The following FAM199X variants were observed in gnomAD, a reference collection of about 807,000 sequenced individuals.
The protein encoded by FAM199X is protein FAM199X.
In FAM199X, 4 loss-of-function variants were observed where a neutral mutation model predicts 22.9. The ratio of observed to expected loss-of-function variants is 0.17; its 90% CI spans 0.09 to 0.40. The LOEUF is 0.40. FAM199X is among the 10% of genes least tolerant of loss of function. The pLI is 1.00. For synonymous variants in FAM199X, 101 were observed against 112.3 expected (o/e 0.90, Z 0.64); for missense variants, 183 against 306.8 (o/e 0.60, Z 3.01).
At chrX:104,164,066 A>G (rs1556373178), upstream of FAM199X, among the ~76,000 whole-genome samples, 1 of 112,671 alleles carries the variant, frequency 8.9e-6, no homozygotes, top group Non-Finnish European at 1.9e-5. Flanking sequence ...ATTAAATTCT[A>G]CATGTTCATA....
chrX:104,179,044 C>G (rs967983519), intron 2 of FAM199X, among the ~76,000 whole-genome samples: 1 of 111,780 alleles, frequency 8.9e-6, no homozygotes, highest in East Asian at 2.8e-4. Context: ...GTTGGAAGAT[C>G]GCTTGAGCCC....
chrX:104,182,315 A>G (rs191412435), intron 2 of FAM199X, among the ~76,000 whole-genome samples: 229 of 110,072 alleles, frequency 2.1e-3, no homozygotes, highest in Non-Finnish European at 3.8e-3. Context: ...TATTTTTCCT[A>G]TCTATTCCCA....
rs1556375630 is a variant in FAM199X, at chrX:104,172,724, A to ATGTG, written c.198-2898_198-2897insGTGT. Among the ~76,000 whole-genome samples, 18 of 108,185 alleles carry ATGTG rather than the reference A, an allele frequency of 1.7e-4. No individual in the cohort carries two copies. The Admixed American group carries it at 1.8e-3, about 11-fold the overall frequency. The allele number at this position is 108,185 out of a possible 115,157, so 93.9% of individuals were successfully genotyped here. On this transcript the variant is annotated intron_variant, in intron 1 of 5. Transcript: ENST00000493442. ...TTTTTTTTTTTTAAGGAATGTCACT[A>ATGTG]TTACTCATGGAGAGAAACACATTTC...
chrX:104,170,632 G>C (rs1324706755), intron 1 of FAM199X, among the ~76,000 whole-genome samples: 3 of 111,277 alleles, frequency 2.7e-5, no homozygotes, highest in Non-Finnish European at 5.7e-5. Context: ...AGAGATGTTA[G>C]CTCCTTAGAA....
chrX:104,188,098 A>G lies in FAM199X; in HGVS notation c.788A>G (p.Lys263Arg). Residue 263 changes from lysine to arginine, a missense_variant, in exon 5 of 6, where the codon AAG (lysine) becomes AGG (arginine). Lys to Arg is a conservative substitution (Grantham distance 26). This residue lies in a region of FAM199X where 128 missense variants were observed against 246.2 expected (regional missense o/e 0.52). Transcript: ENST00000493442. ...CAACGGCCTGCAAGAGAGGCCTGGA[A>G]GAGAAGCAACTTTAGTTGTGCAAGC... ...PRQRPAREAW[K>R]RSNFSCASTS... 8.3e-7 allele frequency: 1 copy of G among 1,211,973 alleles called. No homozygotes were observed. The highest frequency in any genetic ancestry group is 1.1e-6 in the Non-Finnish European group (1 of 895,597).
intron 4 of FAM199X, 29 bp from the exon 5 acceptor site, chrX:104,188,011 C>T (rs782363704): frequency 8.3e-7 from 1 of 1,203,061 alleles, no homozygotes; most frequent in Admixed American, 2.2e-5. Context: ...AGGTGCAACA[C>T]TAACCAGTTT....
In FAM199X at chrX:104,174,621, TTAAA is replaced by T. The variant is rs782074920; in HGVS notation, c.198-996_198-993del. On this transcript the variant is annotated intron_variant, in intron 1 of 5. Coordinates refer to ENST00000493442, the MANE Select transcript of FAM199X (RefSeq NM_207318.4). ...GCTTATGTATCATTGGGGAATAAAG[TTAAA>T]TAAATTATGATACATTTAGCCAATG... 6.4e-3 allele frequency among the ~76,000 whole-genome samples: 717 copies of T among 111,798 alleles called. 2 individuals carry two copies. Among genetic ancestry groups the T allele is most frequent in the Non-Finnish European group, 0.01 (555 of 53,140 alleles).
rs1556374000 is a variant in FAM199X at position 104,166,766 on chromosome X, G to A, written c.-20G>A. ...CAGCCCAGGGCCAGAGAGGGAGCCC[G>A]AGCCAGGCCATCTCCAACCATGTCC... On this transcript the variant is annotated 5_prime_UTR_variant, in exon 1 of 6. Coordinates refer to ENST00000493442, the MANE Select transcript of FAM199X (RefSeq NM_207318.4). The A allele has an allele frequency of 8.4e-7, 1 of 1,191,785 alleles. No individual in the cohort carries two copies. Among genetic ancestry groups the A allele is most frequent in the Non-Finnish European group, 1.1e-6 (1 of 885,459 alleles).
At position 104,192,175 on chromosome X, in the gene FAM199X, T is replaced by C. The variant is rs1335785963; in HGVS notation, c.*2397T>C. Reference sequence around the variant, plus strand: ...AAGACATAAAAAGCTCTTTGGTGTCTGTTCATGTGCTGTACATTTTTTCCG... The same window carrying C: ...AAGACATAAAAAGCTCTTTGGTGTCCGTTCATGTGCTGTACATTTTTTCCG... On this transcript the variant is annotated 3_prime_UTR_variant, in exon 6 of 6. Coordinates refer to ENST00000493442, the MANE Select transcript of FAM199X (RefSeq NM_207318.4). 1 of 111,943 alleles carries C rather than the reference T, an allele frequency of 8.9e-6. No homozygotes were observed. Among genetic ancestry groups the C allele is most frequent in the Admixed American group, 9.5e-5 (1 of 10,534 alleles). 9.2% of individuals were successfully genotyped at this position (111,943 alleles called of 1,213,427 possible).
At chrX:104,160,386 TAAA>T in the FAM199X span, among the ~76,000 whole-genome samples, 13 of 112,959 alleles carry the variant, frequency 1.2e-4, no homozygotes, top group East Asian at 2.8e-4. Flanking sequence ...ATGTTTTTAT[TAAA>T]AAGAGTTATG....
chrX:104,169,158 T>C (rs1921290462), intron 1 of FAM199X, among the ~76,000 whole-genome samples: 1 of 111,990 alleles, frequency 8.9e-6, no homozygotes, highest in Admixed American at 9.5e-5. Context: ...CACAGCTAAA[T>C]CATATATCGG....
chrX:104,181,867 C>G (rs1382230117), intron 2 of FAM199X, among the ~76,000 whole-genome samples: 1 of 111,451 alleles, frequency 9.0e-6, no homozygotes, highest in Non-Finnish European at 1.9e-5. Flanking sequence ...GTGTATCACT[C>G]TGAGTGGGTT....
chrX:104,174,733 A>G (rs912371361), intron 1 of FAM199X, among the ~76,000 whole-genome samples: 1 of 111,933 alleles, frequency 8.9e-6, no homozygotes, highest in Admixed American at 9.5e-5. Flanking sequence ...GAAAAAAGCA[A>G]TATACTAAAA....
chrX:104,166,857 G>C lies in FAM199X; in HGVS notation c.72G>C (p.Leu24=). ...CCCCCGAGGAGCCCTTCCCACTCCT[G>C]GGACCTCCTCGCGGGGTGGGCACCT... is the stretch of plus-strand genomic sequence containing the variant. The part of the protein sequence containing the change: ...FLTPEEPFPL[L]GPPRGVGTCP... Residue 24 remains leucine (L), a synonymous_variant, in exon 1 of 6, where the codon CTG becomes CTC. Transcript: ENST00000493442. 4.1e-6 allele frequency: 5 copies of C among 1,207,393 alleles called. No individual in the cohort carries two copies. The highest frequency in any genetic ancestry group is 5.6e-6 in the Non-Finnish European group (5 of 892,985).
intron 2 of FAM199X, among the ~76,000 whole-genome samples, chrX:104,177,177 G>A (rs1195189524): frequency 5.4e-5 from 6 of 111,293 alleles, no homozygotes; most frequent in African/African-American, 2.0e-4. Flanking sequence ...TTTCTCTATG[G>A]ATTTGCTTTT....
At position 104,188,048 on chromosome X, in the gene FAM199X, C is replaced by T. The variant is rs782719161; in HGVS notation, c.738C>T (p.Asn246=). ...LTDEKLKQVR[N]YIKEHSPRQR... ...TGTTTGTGCATCCCAAGGTCAGAAA[C>T]TATATCAAGGAACATAGCCCTCGCC... is the stretch of plus-strand genomic sequence containing the variant. Residue 246 remains asparagine (N), a synonymous_variant, in exon 5 of 6, where the codon AAC becomes AAT. Coordinates refer to ENST00000493442, the MANE Select transcript of FAM199X (RefSeq NM_207318.4). 1.4e-5 allele frequency: 17 copies of T among 1,209,200 alleles called. No individual in the cohort carries two copies. The Admixed American group carries it at 3.5e-4, about 25-fold the overall frequency.
At chrX:104,168,984 G>A (rs1556374751) in intron 1 of FAM199X, among the ~76,000 whole-genome samples, 1 of 109,441 alleles carries the variant, frequency 9.1e-6, no homozygotes, top group African/African-American at 3.3e-5. Context: ...CAGAGAGTAG[G>A]GGAAGCAAAA....
At position 104,166,962 on chromosome X, in the gene FAM199X, C is replaced by T; in HGVS notation, c.177C>T (p.Leu59=). 8.5e-7 allele frequency: 1 copy of T among 1,170,256 alleles called. No homozygotes were observed. Among genetic ancestry groups the T allele is most frequent in the Non-Finnish European group, 1.1e-6 (1 of 873,240 alleles). The change falls in exon 1 of 6, where the codon CTC becomes CTT. Residue 59 remains leucine (L), a synonymous_variant. Transcript: ENST00000493442. Reference sequence around the variant, plus strand: ...CCTCCTGCCATCGCACCGACCCGCTCCACCGCTTCCACACCAACAGGTACG... The same window carrying T: ...CCTCCTGCCATCGCACCGACCCGCTTCACCGCTTCCACACCAACAGGTACG... ...QLSSCHRTDP[L]HRFHTNRWNL...
Position 104,188,022 on chromosome X carries a change from G to A in FAM199X, c.730-18G>A. 1 of 1,206,436 alleles carries A rather than the reference G, an allele frequency of 8.3e-7. No homozygotes were observed. Among genetic ancestry groups the A allele is most frequent in the East Asian group, 3.0e-5 (1 of 33,701 alleles). On this transcript the variant is annotated intron_variant, in intron 4 of 5. Coordinates refer to ENST00000493442, the MANE Select transcript of FAM199X (RefSeq NM_207318.4). The stretch of plus-strand genomic sequence containing the variant: ...ATCAAGGTGCAACACTAACCAGTTT[G>A]TGTTTGTGCATCCCAAGGTCAGAAA...
Sources: gnomAD v4.1 joint callset for allele counts (sites outside exome capture counted in the v4.1 genomes callset) on GRCh38, gnomAD v4.1.1 for gene constraint, gnomAD v4.1.1 regional missense constraint, MANE v1.5 for transcripts, NCBI Gene and HGNC (gene_info 2026-07-23, HGNC 2026-07-21) for gene names.